SNX18: variants seen among roughly 807,000 people sequenced by gnomAD.
SNX18 encodes sorting nexin-18.
SNX18 carries 35 observed loss-of-function variants against 48.7 expected under a neutral mutation model. The observed-to-expected ratio is 0.72, with a 90% CI of 0.55 to 0.95. The LOEUF (loss-of-function observed/expected upper bound fraction) is 0.95. Ranked by LOEUF, SNX18 falls within the 40% of genes least tolerant of loss-of-function variation. The pLI, the probability that SNX18 is intolerant of heterozygous loss-of-function variation, is 0.00. For synonymous variants in SNX18, 492 were observed against 384.7 expected, an observed-to-expected ratio of 1.28 and a Z score of -3.26; for missense variants, 824 against 871.0, an observed-to-expected ratio of 0.95 and a Z score of 0.68.
the SNX18 span, among the ~76,000 whole-genome samples, chr5:54,629,096 G>T: frequency 2.6e-5 from 4 of 152,222 alleles, no homozygotes; most frequent in African/African-American, 9.6e-5. Context: ...TTGCCAGAAT[G>T]CTGTTTCATT....
rs546984700 is a variant in SNX18, at chr5:54,518,305, C to T, written c.353C>T (p.Thr118Ile). Residue 118 changes from threonine to isoleucine, a missense_variant, in exon 1 of 2, where the codon ACC (threonine) becomes ATC (isoleucine). Around this residue, in one of 3 missense-constraint regions of SNX18, gnomAD observed 377 missense variants for 350.6 expected, o/e 1.08. Coordinates refer to ENST00000381410, the MANE Select transcript of SNX18 (RefSeq NM_001102575.2). ...CCACAGCAGGCGCCGCCTCCGAGCA[C>T]CTTCCAGCCGCCCGGCGCGGGCTTC... ...LQPQQAPPPS[T>I]FQPPGAGFPY... is the part of the protein sequence containing the mutation. 172 of 1,531,004 alleles carry T rather than the reference C, an allele frequency of 1.1e-4. 3 individuals carry two copies. In the South Asian group the frequency reaches 2.0e-3, roughly 18 times the overall value. 94.8% of individuals were successfully genotyped at this position (1,531,004 alleles called of 1,614,324 possible). A position where few individuals can be genotyped will look rare whatever the true frequency, so the allele number is the denominator to read the frequency against.
In SNX18 at chr5:54,519,251, C is replaced by T. The variant is rs771063257; in HGVS notation, c.1299C>T (p.Cys433=). The T allele has an allele frequency of 2.7e-5, 44 of 1,613,984 alleles. No individual in the cohort carries two copies. The East Asian group carries it at 8.5e-4, about 31-fold the overall frequency. Residue 433 remains cysteine (C), a synonymous_variant, in exon 1 of 2, where the codon TGC becomes TGT. Coordinates refer to ENST00000381410, the MANE Select transcript of SNX18 (RefSeq NM_001102575.2). Reference sequence around the variant, plus strand: ...AGAGCAAGATCGACGGCTTCAAGTGCTTCACCAAGAAGATGGACGACAGCG... The same window carrying T: ...AGAGCAAGATCGACGGCTTCAAGTGTTTCACCAAGAAGATGGACGACAGCG... ...EVESKIDGFK[C]FTKKMDDSAL... is the part of the protein sequence containing the mutation.
At chr5:54,527,161 A>G (rs948120152) in intron 1 of SNX18, among the ~76,000 whole-genome samples, 7 of 152,202 alleles carry the variant, frequency 4.6e-5, no homozygotes, top group Non-Finnish European at 8.8e-5. Flanking sequence ...GGAAGCAATT[A>G]CAGGATTTTG....
chr5:54,541,188 C>T (rs1439634031), intron 1 of SNX18, among the ~76,000 whole-genome samples: 4 of 151,938 alleles, frequency 2.6e-5, no homozygotes, highest in Admixed American at 6.6e-5. Context: ...CCACCACGCC[C>T]GGCTAATTTT....
At chr5:54,570,019 ACACT>A in the SNX18 span, among the ~76,000 whole-genome samples, 1 of 152,238 alleles carries the variant, frequency 6.6e-6, no homozygotes, top group African/African-American at 2.4e-5. Context: ...CCAAGTCCTA[ACACT>A]CAGTACGTGT....
chr5:54,636,198 T>TCC, the SNX18 span, among the ~76,000 whole-genome samples: 1 of 152,138 alleles, frequency 6.6e-6, no homozygotes, highest in African/African-American at 2.4e-5. Flanking sequence ...GTCAGGGGCA[T>TCC]CCACTCTTCT....
chr5:54,642,113 C>A, the SNX18 span, among the ~76,000 whole-genome samples: 21 of 152,282 alleles, frequency 1.4e-4, no homozygotes, highest in Non-Finnish European at 2.5e-4. Context: ...AGCAGCACAG[C>A]GGATCATTCC....
chr5:54,607,686 A>T, the SNX18 span, among the ~76,000 whole-genome samples: 1 of 152,042 alleles, frequency 6.6e-6, no homozygotes, highest in African/African-American at 2.4e-5. Context: ...TAGTCTCAGC[A>T]CTCTGGGAGG....
At chr5:54,623,840 C>T in the SNX18 span, among the ~76,000 whole-genome samples, 1 of 152,172 alleles carries the variant, frequency 6.6e-6, no homozygotes, top group African/African-American at 2.4e-5. Context: ...CAGGTGGACT[C>T]TCATTGCCTT....
At chr5:54,564,673 A>G in the SNX18 span, among the ~76,000 whole-genome samples, 31 of 152,198 alleles carry the variant, frequency 2.0e-4, no homozygotes, top group Non-Finnish European at 1.3e-4. Context: ...CCTGGCCAAC[A>G]TGCTGAAACC....
At chr5:54,572,771 T>TATATAC in the SNX18 span, among the ~76,000 whole-genome samples, 1 of 102,480 alleles carries the variant, frequency 9.8e-6, no homozygotes, top group African/African-American at 3.8e-5. Flanking sequence ...TATATATATA[T>TATATAC]ATATTTTTTT....
chr5:54,552,862 G>A, the SNX18 span, among the ~76,000 whole-genome samples: 1 of 152,106 alleles, frequency 6.6e-6, no homozygotes, highest in South Asian at 2.1e-4. Context: ...GCGGGGAGGA[G>A]GGAGGGAGTA....
At chr5:54,538,448 T>C (rs1762398243) in intron 1 of SNX18, among the ~76,000 whole-genome samples, 1 of 152,198 alleles carries the variant, frequency 6.6e-6, no homozygotes, top group Non-Finnish European at 1.5e-5. Context: ...ATATTTTTTT[T>C]TCTGTTTACT....
downstream of SNX18, among the ~76,000 whole-genome samples, chr5:54,548,834 G>C (rs995796965): frequency 6.6e-6 from 1 of 152,042 alleles, no homozygotes; most frequent in African/African-American, 2.4e-5. Flanking sequence ...CAGGGCATTG[G>C]TTCCAGGACA....
At chr5:54,581,024 T>C in the SNX18 span, among the ~76,000 whole-genome samples, 1 of 152,150 alleles carries the variant, frequency 6.6e-6, no homozygotes, top group African/African-American at 2.4e-5. Flanking sequence ...TGAGGAAGCA[T>C]TGGCATTAGA....
At chr5:54,645,294 A>G in the SNX18 span, 1 of 152,364 alleles carries the variant, frequency 6.6e-6, no homozygotes, top group Admixed American at 6.5e-5. Flanking sequence ...AGAGAAGTAA[A>G]GATATCCCTG....
intron 1 of SNX18, among the ~76,000 whole-genome samples, chr5:54,538,661 C>T (rs1176904507): frequency 6.6e-6 from 1 of 152,196 alleles, no homozygotes; most frequent in Non-Finnish European, 1.5e-5. Context: ...TTATAAGAGT[C>T]AACTTTTTTT....
At chr5:54,538,020 T>G (rs560589310) in intron 1 of SNX18, among the ~76,000 whole-genome samples, 8 of 152,348 alleles carry the variant, frequency 5.3e-5, no homozygotes, top group African/African-American at 1.9e-4. Context: ...TCTGCTCCAG[T>G]AGTTTCCGCT....
chr5:54,640,894 T>C, the SNX18 span, among the ~76,000 whole-genome samples: 5 of 152,126 alleles, frequency 3.3e-5, no homozygotes, highest in Admixed American at 6.6e-5. Context: ...ACCCCATCTC[T>C]ACTAAAAATA....
Sources: gnomAD v4.1 joint callset for allele counts (sites outside exome capture counted in the v4.1 genomes callset) on GRCh38, gnomAD v4.1.1 for gene constraint, gnomAD v4.1.1 regional missense constraint, MANE v1.5 for transcripts, NCBI Gene and HGNC (gene_info 2026-07-23, HGNC 2026-07-21) for gene names.